STK39: variants seen among roughly 807,000 people sequenced by gnomAD.
STK39 encodes the protein STE20/SPS1-related proline-alanine-rich protein kinase.
STK39 carries 20 observed loss-of-function variants against 77.8 expected under a neutral mutation model. The ratio of observed to expected loss-of-function variants is 0.26; its 90% CI spans 0.18 to 0.37. STK39 has a LOEUF of 0.37. STK39 is among the 10% of genes least tolerant of loss of function. The pLI is 1.00. For missense variants in STK39, 479 were observed against 656.5 expected, an observed-to-expected ratio of 0.73 and a Z score of 2.95; for synonymous variants, 246 against 234.1, an observed-to-expected ratio of 1.05 and a Z score of -0.47.
intron 16 of STK39, among the ~76,000 whole-genome samples, chr2:167,994,611 C>T (rs1256155435): frequency 3.3e-5 from 5 of 152,170 alleles, no homozygotes; most frequent in Non-Finnish European, 7.3e-5. Flanking sequence ...CCCACCTCCT[C>T]CCAGCTCCCA....
intron 10 of STK39, among the ~76,000 whole-genome samples, chr2:168,122,664 T>C (rs1234805352): frequency 6.6e-6 from 1 of 152,130 alleles, no homozygotes; most frequent in East Asian, 1.9e-4. Context: ...GTTAAACTCC[T>C]GGGTTCTAGC....
At chr2:168,240,819 C>T in intron 1 of STK39, among the ~76,000 whole-genome samples, 1 of 152,168 alleles carries the variant, frequency 6.6e-6, no homozygotes. Flanking sequence ...GGATCTGGGG[C>T]AGGCAAGGGA....
chr2:168,050,865 A>C (rs989034956), intron 14 of STK39, among the ~76,000 whole-genome samples: 1 of 152,238 alleles, frequency 6.6e-6, no homozygotes, highest in East Asian at 1.9e-4. Flanking sequence ...GACAGCAGAG[A>C]TTTCCCACAA....
At chr2:168,006,222 T>C (rs1684130022) in intron 16 of STK39, among the ~76,000 whole-genome samples, 1 of 152,214 alleles carries the variant, frequency 6.6e-6, no homozygotes, top group Non-Finnish European at 1.5e-5. Context: ...CCCTGGCCTC[T>C]GTATTGAGCC....
intron 10 of STK39, among the ~76,000 whole-genome samples, chr2:168,104,300 T>G (rs1216071987): frequency 6.6e-6 from 1 of 152,200 alleles, no homozygotes; most frequent in Non-Finnish European, 1.5e-5. Flanking sequence ...TAAATCTATT[T>G]TCCTCTAATC....
At chr2:168,237,020 T>C (rs1690631107) in intron 1 of STK39, among the ~76,000 whole-genome samples, 1 of 152,154 alleles carries the variant, frequency 6.6e-6, no homozygotes, top group Non-Finnish European at 1.5e-5. Flanking sequence ...GCATTGAATC[T>C]ATAAATTACT....
At chr2:168,147,086 G>A (rs1448054901) in intron 5 of STK39, among the ~76,000 whole-genome samples, 2 of 152,122 alleles carry the variant, frequency 1.3e-5, no homozygotes, top group African/African-American at 2.4e-5. Flanking sequence ...GCAATAATGG[G>A]GTTAAGATTC....
intron 14 of STK39, among the ~76,000 whole-genome samples, chr2:168,018,147 C>T (rs1684462137): frequency 6.6e-6 from 1 of 152,058 alleles, no homozygotes; most frequent in Non-Finnish European, 1.5e-5. Flanking sequence ...TGTAAGAACA[C>T]TAAAATATTA....
chr2:168,239,097 C>G (rs1690693359), intron 1 of STK39, among the ~76,000 whole-genome samples: 1 of 152,160 alleles, frequency 6.6e-6, no homozygotes, highest in Non-Finnish European at 1.5e-5. Flanking sequence ...AGAACTCCTG[C>G]CATCCTAACA....
intron 16 of STK39, among the ~76,000 whole-genome samples, chr2:168,005,041 T>A (rs1053013540): frequency 1.1e-4 from 15 of 138,834 alleles, no homozygotes; most frequent in African/African-American, 4.0e-4. Context: ...AGTCTCGCTC[T>A]GTCGCCCAGG....
chr2:168,172,069 TG>T (rs1375293884), intron 2 of STK39, among the ~76,000 whole-genome samples: 1 of 152,194 alleles, frequency 6.6e-6, no homozygotes, highest in Non-Finnish European at 1.5e-5. Context: ...TTTCCTTTTC[TG>T]TAAAAGGAGA....
At chr2:168,008,767 C>T (rs1476532474) in intron 16 of STK39, among the ~76,000 whole-genome samples, 1 of 152,002 alleles carries the variant, frequency 6.6e-6, no homozygotes, top group Non-Finnish European at 1.5e-5. Context: ...GAAGGAAATA[C>T]CAGTAAGATG....
At chr2:168,082,332 T>C (rs1219125549) in intron 10 of STK39, among the ~76,000 whole-genome samples, 2 of 152,234 alleles carry the variant, frequency 1.3e-5, no homozygotes, top group Non-Finnish European at 2.9e-5. Context: ...TGTCAACGTT[T>C]TGCTAAAGAT....
chr2:167,963,944 AAATGTACCTT>A, intron 17 of STK39, among the ~76,000 whole-genome samples: 1 of 152,336 alleles, frequency 6.6e-6, no homozygotes, highest in South Asian at 2.1e-4. Context: ...ACGATTTTTA[AAATGTACCTT>A]AATGTACTGT....
chr2:168,136,285 C>T (rs974692224), intron 8 of STK39, among the ~76,000 whole-genome samples: 1 of 150,842 alleles, frequency 6.6e-6, no homozygotes, highest in Non-Finnish European at 1.5e-5. Flanking sequence ...AGGAGAATCA[C>T]TTGAACCCGG....
intron 1 of STK39, among the ~76,000 whole-genome samples, chr2:168,224,425 C>G (rs956954345): frequency 5.3e-5 from 8 of 152,062 alleles, no homozygotes; most frequent in Admixed American, 4.6e-4. Flanking sequence ...AACCATCAAT[C>G]TATAACAAAA....
At chr2:168,054,512 T>C (rs571171804) in intron 14 of STK39, among the ~76,000 whole-genome samples, 4 of 152,314 alleles carry the variant, frequency 2.6e-5, no homozygotes, top group African/African-American at 9.6e-5. Context: ...AAGATATGCA[T>C]CAGGGACTCA....
At chr2:168,074,903 C>T in intron 12 of STK39, 79 bp downstream of exon 12, 3 of 1,507,470 alleles carry the variant, frequency 2.0e-6, no homozygotes, top group Non-Finnish European at 2.7e-6. Flanking sequence ...TTTGAAGCAT[C>T]TCCCCTAAAT....
intron 17 of STK39, among the ~76,000 whole-genome samples, 160 bp from the exon 18 acceptor site, chr2:167,955,730 C>T (rs1464565943): frequency 1.3e-5 from 2 of 152,166 alleles, no homozygotes; most frequent in Admixed American, 6.5e-5. Context: ...TCTCGAATGA[C>T]TACTGGAAGC....
Sources: allele counts gnomAD v4.1 joint callset (sites outside exome capture counted in the v4.1 genomes callset), GRCh38; gene constraint gnomAD v4.1.1; transcripts MANE v1.5; gene names NCBI Gene and HGNC (gene_info 2026-07-23, HGNC 2026-07-21).